TENM3: variants seen among roughly 807,000 people sequenced by gnomAD.
TENM3 encodes teneurin-3.
In TENM3, 63 loss-of-function variants were observed where a neutral mutation model predicts 255.1. That is an observed-to-expected ratio of 0.25 (90% CI 0.20 to 0.30). The LOEUF (loss-of-function observed/expected upper bound fraction) is 0.30, where lower values mean the gene tolerates loss of function less well. Ranked by LOEUF, TENM3 falls within the 10% of genes least tolerant of loss-of-function variation. The pLI is 1.00. For synonymous variants in TENM3, 1,306 were observed against 1,322.3 expected (o/e 0.99, Z 0.27); for missense variants, 2,929 against 3,461.1 (o/e 0.85, Z 3.86).
Position 182,729,910 on chromosome 4 carries a change from G to C in TENM3, c.2586-290G>C, listed in dbSNP as rs6823594. Among the ~76,000 whole-genome samples the C allele has an allele frequency of 0.21, 31,844 of 151,916 alleles. 4,415 individuals are homozygous for C. The highest frequency in any genetic ancestry group is 0.69 in the East Asian group (3,563 of 5,174). ...ATATATGACTTATGAAAAAAGCACA[G>C]AGTTTATCATTTTAAAAATTCATCT... On this transcript the variant is annotated intron_variant, in intron 14 of 27. Coordinates refer to ENST00000511685, the MANE Select transcript of TENM3 (RefSeq NM_001080477.4).
the TENM3 span, among the ~76,000 whole-genome samples, chr4:181,661,788 C>T: frequency 6.6e-5 from 10 of 151,770 alleles, no homozygotes; most frequent in South Asian, 1.7e-3. Flanking sequence ...TTTAATAAGT[C>T]AATAAAACAG....
At chr4:182,425,081 T>G (rs945254268) in intron 3 of TENM3, among the ~76,000 whole-genome samples, 1 of 152,226 alleles carries the variant, frequency 6.6e-6, no homozygotes, top group Non-Finnish European at 1.5e-5. Context: ...CATTTGTGAC[T>G]GGTATTAATG....
intron 22 of TENM3, among the ~76,000 whole-genome samples, chr4:182,766,398 T>G (rs1032407903): frequency 6.6e-6 from 1 of 152,010 alleles, no homozygotes; most frequent in Admixed American, 6.5e-5. Flanking sequence ...AAAGACAGAC[T>G]GTCTTAAACA....
intron 16 of TENM3, among the ~76,000 whole-genome samples, chr4:182,731,968 A>G (rs1255883084): frequency 6.6e-6 from 1 of 151,740 alleles, no homozygotes; most frequent in Non-Finnish European, 1.5e-5. Context: ...TTTTTAGTAG[A>G]GGCAGGGTTT....
intron 3 of TENM3, among the ~76,000 whole-genome samples, chr4:182,428,675 A>G (rs72699987): frequency 0.012 from 1,852 of 152,194 alleles, 18 homozygotes; most frequent in Non-Finnish European, 0.019. Context: ...TGCAGCCCCT[A>G]TATCTTAACC....
intron 3 of TENM3, among the ~76,000 whole-genome samples, chr4:182,586,797 C>T (rs1020370110): frequency 1.3e-5 from 2 of 152,034 alleles, no homozygotes; most frequent in African/African-American, 4.8e-5. Flanking sequence ...TGATGTAAAA[C>T]ATTAAAAGAC....
intron 3 of TENM3, among the ~76,000 whole-genome samples, chr4:182,397,674 C>A (rs1311474545): frequency 6.6e-6 from 1 of 152,180 alleles, no homozygotes; most frequent in African/African-American, 2.4e-5. Context: ...AGGCATTCCT[C>A]ACAATATCAT....
At chr4:182,111,189 C>CTTCTCTTTT in the TENM3 span, among the ~76,000 whole-genome samples, 1 of 80,524 alleles carries the variant, frequency 1.2e-5, no homozygotes, top group African/African-American at 5.3e-5. Context: ...GTCTTCTTCT[C>CTTCTCTTTT]TTTTTTTTTT....
chr4:181,602,820 C>G, the TENM3 span, among the ~76,000 whole-genome samples: 1 of 152,134 alleles, frequency 6.6e-6, no homozygotes, highest in African/African-American at 2.4e-5. Flanking sequence ...TGACCACATG[C>G]CATTGTTATA....
the TENM3 span, among the ~76,000 whole-genome samples, chr4:181,533,249 G>A: frequency 2.0e-5 from 3 of 152,258 alleles, no homozygotes. Flanking sequence ...AAAAGAAGGG[G>A]CATTGCAAGC....
chr4:181,878,955 G>A, the TENM3 span, among the ~76,000 whole-genome samples: 1 of 152,012 alleles, frequency 6.6e-6, no homozygotes, highest in Non-Finnish European at 1.5e-5. Context: ...CTTGGCAGCT[G>A]CATTTCTCAT....
At chr4:181,739,339 A>T in the TENM3 span, among the ~76,000 whole-genome samples, 2 of 152,252 alleles carry the variant, frequency 1.3e-5, no homozygotes, top group Non-Finnish European at 2.9e-5. Flanking sequence ...ATAATGTCAC[A>T]GATGACTGAG....
At position 182,728,917 on chromosome 4, in the gene TENM3, T is replaced by C. The variant is rs368949826; in HGVS notation, c.2369-48T>C. The stretch of plus-strand genomic sequence containing the variant: ...AAGAAACAAAACTGATTCTACATTA[T>C]GGCATCAAAAGGAAAATTCTCTTAC... On this transcript the variant is annotated intron_variant, in intron 13 of 27. Transcript: ENST00000511685. The C allele has an allele frequency of 1.2e-5, 18 of 1,460,644 alleles. No homozygotes were observed. In the African/African-American group the frequency reaches 2.0e-4, roughly 16 times the overall value. The allele number at this position is 1,460,644 out of a possible 1,614,324, so 90.5% of individuals were successfully genotyped here. A position where few individuals can be genotyped will look rare whatever the true frequency, so the allele number is the denominator to read the frequency against.
At chr4:182,285,768 C>G (rs1176957072) in intron 1 of TENM3, among the ~76,000 whole-genome samples, 1 of 152,044 alleles carries the variant, frequency 6.6e-6, no homozygotes, top group Non-Finnish European at 1.5e-5. Context: ...GTGCGTGGAG[C>G]TACCAGAGAA....
chr4:182,521,811 A>G (rs1738605313), intron 3 of TENM3, among the ~76,000 whole-genome samples: 1 of 152,188 alleles, frequency 6.6e-6, no homozygotes, highest in Non-Finnish European at 1.5e-5. Context: ...TCAACCAGGA[A>G]CGTTATAGTC....
At chr4:182,197,446 C>T (rs1236983131) in intron 1 of TENM3, among the ~76,000 whole-genome samples, 1 of 152,142 alleles carries the variant, frequency 6.6e-6, no homozygotes, top group East Asian at 1.9e-4. Context: ...TCTAGGAGTT[C>T]ATTTCACCAT....
Position 182,479,054 on chromosome 4 carries a change from T to C in TENM3, c.512-121870T>C, listed in dbSNP as rs550385037. On this transcript the variant is annotated intron_variant, in intron 3 of 27. Transcript: ENST00000511685. Reference sequence around the variant, plus strand: ...ATGTTTTTCAATTTTTTGAAAATTGTAGTTGGAAACTAAAAGATTCAGTAC... The same window carrying C: ...ATGTTTTTCAATTTTTTGAAAATTGCAGTTGGAAACTAAAAGATTCAGTAC... Among the ~76,000 whole-genome samples, 363 of 152,068 alleles carry C rather than the reference T, an allele frequency of 2.4e-3. 1 individual carries two copies. Among genetic ancestry groups the C allele is most frequent in the Admixed American group, 5.2e-3 (80 of 15,270 alleles).
chr4:182,570,587 C>A (rs1744256362), intron 3 of TENM3, among the ~76,000 whole-genome samples: 1 of 152,188 alleles, frequency 6.6e-6, no homozygotes, highest in South Asian at 2.1e-4. Context: ...TGGTGGCTCA[C>A]GCCTGTAATC....
At chr4:181,627,800 T>G in the TENM3 span, among the ~76,000 whole-genome samples, 1,162 of 152,294 alleles carry the variant, frequency 7.6e-3, 18 homozygotes, top group African/African-American at 0.026. Flanking sequence ...AAACATTAAG[T>G]GTGCATGTGC....
Sources: allele counts gnomAD v4.1 joint callset (sites outside exome capture counted in the v4.1 genomes callset), GRCh38; gene constraint gnomAD v4.1.1; transcripts MANE v1.5; gene names NCBI Gene and HGNC (gene_info 2026-07-23, HGNC 2026-07-21).